The following RNF17 variants were observed in gnomAD, a reference collection of about 807,000 sequenced individuals.
The protein encoded by RNF17 is ring finger protein 17.
In RNF17, 31 loss-of-function variants were observed where a neutral mutation model predicts 200.5. The ratio of observed to expected loss-of-function variants is 0.15; its 90% confidence interval spans 0.12 to 0.21. The LOEUF (loss-of-function observed/expected upper bound fraction) is 0.21. Among genes scored for constraint, RNF17 ranks in the 10% least tolerant of loss-of-function variants. The pLI is 1.00. For missense variants in RNF17, 1,628 were observed against 1,905.1 expected, an observed-to-expected ratio of 0.85 and a Z score of 2.71; for synonymous variants, 606 against 637.8, an observed-to-expected ratio of 0.95 and a Z score of 0.75.
chr13:24,782,378 T>C (rs955276475), intron 6 of RNF17, among the ~76,000 whole-genome samples: 1 of 152,070 alleles, frequency 6.6e-6, no homozygotes, highest in Non-Finnish European at 1.5e-5. Context: ...TGTTTTGTTT[T>C]CCGAGACAAG....
At chr13:24,840,932 A>C (rs1309844781) in intron 18 of RNF17, among the ~76,000 whole-genome samples, 1 of 152,188 alleles carries the variant, frequency 6.6e-6, no homozygotes, top group Non-Finnish European at 1.5e-5. Flanking sequence ...TATAACTCTT[A>C]TAACTTGGTT....
intron 18 of RNF17, among the ~76,000 whole-genome samples, chr13:24,837,398 C>T (rs985222810): frequency 6.6e-6 from 1 of 152,096 alleles, no homozygotes; most frequent in Non-Finnish European, 1.5e-5. Context: ...AACATTTCAT[C>T]CAACAACCGT....
At chr13:24,860,238 A>G (rs1456348680) in intron 26 of RNF17, among the ~76,000 whole-genome samples, 1 of 151,990 alleles carries the variant, frequency 6.6e-6, no homozygotes, top group African/African-American at 2.4e-5. Context: ...TCAAGTTATC[A>G]TACTTCATGA....
At chr13:24,749,821 C>T in the RNF17 span, among the ~76,000 whole-genome samples, 1 of 152,188 alleles carries the variant, frequency 6.6e-6, no homozygotes, top group Non-Finnish European at 1.5e-5. Context: ...GCAATGTCGG[C>T]TCACTGCAAC....
At chr13:24,847,349 ATTT>A (rs58067264) in intron 22 of RNF17, among the ~76,000 whole-genome samples, 3 of 138,952 alleles carry the variant, frequency 2.2e-5, no homozygotes, top group African/African-American at 5.3e-5. Flanking sequence ...TTATTTATTT[ATTT>A]TTTTTTTTTT....
At chr13:24,791,540 A>T (rs1204706752) in intron 9 of RNF17, among the ~76,000 whole-genome samples, 1 of 152,194 alleles carries the variant, frequency 6.6e-6, no homozygotes, top group Non-Finnish European at 1.5e-5. Context: ...CTGAAACTTA[A>T]GAGATCTTGG....
chr13:24,824,673 A>C (rs1223340723), intron 15 of RNF17, among the ~76,000 whole-genome samples: 3 of 152,208 alleles, frequency 2.0e-5, no homozygotes, highest in African/African-American at 7.2e-5. Context: ...TTACTGAATC[A>C]TTGATTTAAG....
At chr13:24,801,085 A>G (rs1413370324) in intron 13 of RNF17, among the ~76,000 whole-genome samples, 1 of 152,214 alleles carries the variant, frequency 6.6e-6, no homozygotes, top group Non-Finnish European at 1.5e-5. Flanking sequence ...GAAGGCATTC[A>G]ACACATACTT....
the RNF17 span, chr13:24,885,841 T>A: frequency 4.8e-6 from 3 of 619,834 alleles, no homozygotes; most frequent in Non-Finnish European, 8.7e-6. Context: ...CACAGGTACT[T>A]AAGTCCTAGA....
intron 28 of RNF17, among the ~76,000 whole-genome samples, 156 bp from the exon 29 acceptor site, chr13:24,864,717 C>CA (rs1893447530): frequency 6.6e-6 from 1 of 152,078 alleles, no homozygotes; most frequent in African/African-American, 2.4e-5. Flanking sequence ...TATAGCGCGT[C>CA]AAAATACCAG....
At position 24,851,566 on chromosome 13, in the gene RNF17, AAGG is replaced by A. The variant is rs749186287; in HGVS notation, c.3319_3320+1del. 6.2e-7 allele frequency: 1 copy of A among 1,604,626 alleles called. No individual in the cohort carries two copies. ...TTAAAAAGGGTTTGGCTTTGAGAGA[AAGG>A]AGGTATAGACTTTTTTAAAAAATTT... On this transcript the variant is annotated inframe_deletion and splice_region_variant, in exon 24 of 36. Coordinates refer to ENST00000255324, the MANE Select transcript of RNF17 (RefSeq NM_031277.3).
downstream of RNF17, chr13:24,883,484 C>G (rs1469640843): frequency 2.6e-6 from 2 of 760,526 alleles, no homozygotes; most frequent in Non-Finnish European, 4.2e-6. Flanking sequence ...GGAGACATCC[C>G]TTGGTTATCC....
chr13:24,764,135 T>G (rs1341870996), upstream of RNF17: 5 of 1,455,938 alleles, frequency 3.4e-6, no homozygotes, highest in Admixed American at 1.9e-5. Flanking sequence ...TGGCCTCCAA[T>G]GATTGGTCGC....
In RNF17 at chr13:24,819,853, T is replaced by C. The variant is rs1009584659; in HGVS notation, c.2092-5766T>C. 2.6e-5 allele frequency among the ~76,000 whole-genome samples: 4 copies of C among 152,344 alleles called. No individual in the cohort carries two copies. In the South Asian group the frequency reaches 8.3e-4, roughly 32 times the overall value. On this transcript the variant is annotated intron_variant, in intron 15 of 35. Coordinates refer to ENST00000255324, the MANE Select transcript of RNF17 (RefSeq NM_031277.3). ...AGAGATCTTAATATCCTCATGTGAC[T>C]TTGAGGTACTGTCTAGTGTCCTCTC...
intron 18 of RNF17, among the ~76,000 whole-genome samples, chr13:24,837,118 A>AAGAG (rs1368838250): frequency 6.6e-6 from 1 of 152,212 alleles, no homozygotes; most frequent in Admixed American, 6.5e-5. Context: ...CAGCAGTTAA[A>AAGAG]AGAGAGAGAG....
chr13:24,779,758 T>C lies in RNF17; in HGVS notation c.510+11T>C. 6.2e-7 allele frequency: 1 copy of C among 1,600,240 alleles called. No homozygotes were observed. Among genetic ancestry groups the C allele is most frequent in the Non-Finnish European group, 8.6e-7 (1 of 1,167,582 alleles). ...AGCATTGCTGGAAAAGTAAGCACTT[T>C]GCAGGATTAAATTCTATCATGAAGT... On this transcript the variant is annotated intron_variant, in intron 5 of 35. Coordinates refer to ENST00000255324, the MANE Select transcript of RNF17 (RefSeq NM_031277.3).
At chr13:24,816,550 G>C (rs1887431519) in intron 15 of RNF17, among the ~76,000 whole-genome samples, 1 of 152,174 alleles carries the variant, frequency 6.6e-6, no homozygotes, top group Non-Finnish European at 1.5e-5. Flanking sequence ...CACAACCCCT[G>C]CTGGAAAGCC....
At chr13:24,779,871 A>G in intron 5 of RNF17, 124 bp downstream of exon 5, 1 of 642,664 alleles carries the variant, frequency 1.6e-6, no homozygotes, top group Non-Finnish European at 2.5e-6. Context: ...TGATAATCTA[A>G]AAAAGAATGG....
rs574248611 is a variant in RNF17, at chr13:24,764,499, A to G, written c.130+166A>G. ...AGCTGCACCCGACCTCTAAGAGGGC[A>G]GTGCTTGGGTTGGTTAAGGGCAGCA... is the stretch of plus-strand genomic sequence containing the variant. On this transcript the variant is annotated intron_variant, in intron 1 of 35. Coordinates refer to ENST00000255324, the MANE Select transcript of RNF17 (RefSeq NM_031277.3). The G allele has an allele frequency of 2.5e-5, 16 of 647,038 alleles. No individual in the cohort carries two copies. In the South Asian group the frequency reaches 6.1e-4, roughly 25 times the overall value. 40.1% of individuals were successfully genotyped at this position (647,038 alleles called of 1,614,324 possible). A position where few individuals can be genotyped will look rare whatever the true frequency, so the allele number is the denominator to read the frequency against.
Sources: allele counts gnomAD v4.1 joint callset (sites outside exome capture counted in the v4.1 genomes callset), GRCh38; gene constraint gnomAD v4.1.1; transcripts MANE v1.5; gene names NCBI Gene and HGNC (gene_info 2026-07-23, HGNC 2026-07-21).